Variants in PRMT8 observed in about 807,000 individuals in gnomAD.
PRMT8 encodes the protein protein arginine methyltransferase 8, also known as protein arginine N-methyltransferase 8.
PRMT8 carries 7 observed loss-of-function variants against 47.1 expected under a neutral mutation model. The ratio of observed to expected loss-of-function variants is 0.15; its 90% CI spans 0.08 to 0.28. The LOEUF (loss-of-function observed/expected upper bound fraction) is 0.28. Ranked by LOEUF, PRMT8 falls within the 10% of genes least tolerant of loss-of-function variation. The probability of loss-of-function intolerance (pLI) is 1.00; values close to 1 mark genes in which losing one functional copy is unlikely to be tolerated. For missense variants in PRMT8, 237 were observed against 505.4 expected, an observed-to-expected ratio of 0.47 and a Z score of 5.09; for synonymous variants, 188 against 186.5, an observed-to-expected ratio of 1.01 and a Z score of -0.07.
intron 1 of PRMT8, among the ~76,000 whole-genome samples, chr12:3,507,195 T>G (rs1005852326): frequency 6.6e-6 from 1 of 150,688 alleles, no homozygotes; most frequent in Non-Finnish European, 1.5e-5. Flanking sequence ...CATCTCAGCT[T>G]ACTGCAAGCT....
intron 4 of PRMT8, among the ~76,000 whole-genome samples, chr12:3,560,944 A>AG (rs1242622660): frequency 6.6e-6 from 1 of 152,200 alleles, no homozygotes; most frequent in Non-Finnish European, 1.5e-5. Flanking sequence ...CACATACAGT[A>AG]GGTGCTCAAA....
intron 1 of PRMT8, among the ~76,000 whole-genome samples, chr12:3,403,734 C>T (rs1271392187): frequency 6.6e-6 from 1 of 151,574 alleles, no homozygotes; most frequent in African/African-American, 2.4e-5. Context: ...CAAAAATTAG[C>T]CAGGCGTAGT....
intron 1 of PRMT8, among the ~76,000 whole-genome samples, chr12:3,429,586 G>C (rs886143604): frequency 2.0e-5 from 3 of 152,284 alleles, no homozygotes; most frequent in Admixed American, 2.0e-4. Flanking sequence ...CAAAACCAAA[G>C]TATCAAGCAA....
rs2137110065 is a variant in PRMT8, at chr12:3,491,293, A to G, written c.-333A>G. On this transcript the variant is annotated 5_prime_UTR_variant, in exon 1 of 10. Transcript: ENST00000382622. ...GCGAGCAGCCTGGAGAGGATCCGCG[A>G]CCGCCGCCGCCGCCGCCGCGGAGGC... is the stretch of plus-strand genomic sequence containing the variant. 3 of 1,126,048 alleles carry G rather than the reference A, an allele frequency of 2.7e-6. No homozygotes were observed. Among genetic ancestry groups the G allele is most frequent in the Non-Finnish European group, 3.3e-6 (3 of 918,376 alleles). The allele number at this position is 1,126,048 out of a possible 1,614,324, so 69.8% of individuals were successfully genotyped here.
chr12:3,463,275 C>T (rs763323351), intron 1 of PRMT8: 2 of 152,154 alleles, frequency 1.3e-5, no homozygotes, highest in African/African-American at 2.4e-5. Context: ...CTTTCTAATT[C>T]CTGGCTTCAG....
At chr12:3,422,264 T>C (rs1014247740) in intron 1 of PRMT8, among the ~76,000 whole-genome samples, 5 of 152,226 alleles carry the variant, frequency 3.3e-5, no homozygotes. Context: ...CGTGGTTACC[T>C]GGACAGAACT....
intron 8 of PRMT8, among the ~76,000 whole-genome samples, chr12:3,585,642 A>G (rs1243587350): frequency 2.0e-5 from 3 of 151,110 alleles, no homozygotes; most frequent in Non-Finnish European, 4.4e-5. Flanking sequence ...TTATCTCTTC[A>G]TAGAAAGGCT....
intron 2 of PRMT8, among the ~76,000 whole-genome samples, chr12:3,544,441 T>C (rs948132290): frequency 9.9e-5 from 15 of 152,148 alleles, no homozygotes; most frequent in African/African-American, 3.4e-4. Flanking sequence ...ACATACTCTC[T>C]GTTAGGTTTT....
chr12:3,486,590 G>T (rs752188794), upstream of PRMT8, among the ~76,000 whole-genome samples: 28 of 152,182 alleles, frequency 1.8e-4, no homozygotes, highest in Non-Finnish European at 3.4e-4. Flanking sequence ...GAGCCTTAAT[G>T]AAAGATTTAA....
intron 1 of PRMT8, among the ~76,000 whole-genome samples, chr12:3,438,726 A>T (rs1864770279): frequency 6.6e-6 from 1 of 152,204 alleles, no homozygotes; most frequent in Non-Finnish European, 1.5e-5. Context: ...TCGAATAGTG[A>T]CCCAGACTGA....
chr12:3,550,831 G>T lies in PRMT8; in HGVS notation c.417+740G>T, dbSNP rs939362077. The T allele has an allele frequency of 6.6e-6, 1 of 152,244 alleles. No individual in the cohort carries two copies. The highest frequency in any genetic ancestry group is 1.5e-5 in the Non-Finnish European group (1 of 68,058). The allele number at this position is 152,244 out of a possible 1,614,324, so 9.4% of individuals were successfully genotyped here. A position where few individuals can be genotyped will look rare whatever the true frequency, so the allele number is the denominator to read the frequency against. On this transcript the variant is annotated intron_variant, in intron 3 of 9. Transcript: ENST00000382622. This position sits in a 1 kb window ranked among gnomAD's most constrained non-coding sequence, Gnocchi z 5.1. ...AGCCTGATGACAGAGGGCCTGGGAA[G>T]GTCCAGAGCTGGAAAGAAACTAAAA... is the stretch of plus-strand genomic sequence containing the variant.
chr12:3,436,399 C>T lies in PRMT8; in HGVS notation c.48+54957C>T, dbSNP rs989158790. On this transcript the variant is annotated intron_variant, in intron 1 of 9. Coordinates refer to the PRMT8 transcript ENST00000452611. This position sits in a 1 kb window ranked among gnomAD's most constrained non-coding sequence, Gnocchi z 4.2. ...CTCCTCATCTTTTCAGCACCAGCAG[C>T]CCCAGGTAAGCCAGGGGCTGAGCTA... Among the ~76,000 whole-genome samples, 6 of 152,322 alleles carry T rather than the reference C, an allele frequency of 3.9e-5. No homozygotes were observed. Among genetic ancestry groups the T allele is most frequent in the African/African-American group, 1.4e-4 (6 of 41,574 alleles).
chr12:3,524,795 A>T (rs1049287688), intron 1 of PRMT8, among the ~76,000 whole-genome samples: 1 of 152,164 alleles, frequency 6.6e-6, no homozygotes, highest in African/African-American at 2.4e-5. Flanking sequence ...ACTGTGCTGG[A>T]TGTGCTTGCC....
chr12:3,567,052 C>T (rs913496131), intron 4 of PRMT8, among the ~76,000 whole-genome samples: 3 of 152,212 alleles, frequency 2.0e-5, no homozygotes, highest in Non-Finnish European at 4.4e-5. Flanking sequence ...AACTGAAGTT[C>T]TTGAAGGTGA....
At chr12:3,527,474 C>T (rs541974184) in intron 1 of PRMT8, among the ~76,000 whole-genome samples, 13 of 152,106 alleles carry the variant, frequency 8.5e-5, no homozygotes, top group South Asian at 4.2e-4. Context: ...TGCCTACTTC[C>T]GGAATTTTCC....
chr12:3,548,784 AGTTGAACAT>A (rs1866369233), intron 2 of PRMT8, among the ~76,000 whole-genome samples: 1 of 152,206 alleles, frequency 6.6e-6, no homozygotes, highest in South Asian at 2.1e-4. Flanking sequence ...TTTCTTATGA[AGTTGAACAT>A]GTACCTACCC....
chr12:3,407,006 G>C (rs1864378840), intron 1 of PRMT8, among the ~76,000 whole-genome samples: 1 of 152,146 alleles, frequency 6.6e-6, no homozygotes, highest in Admixed American at 6.6e-5. Context: ...AATTTATAAA[G>C]GAAAGAGGTT....
rs118117907 is a variant in PRMT8, at chr12:3,391,778, T to C, written c.48+10336T>C. Among the ~76,000 whole-genome samples the C allele has an allele frequency of 4.4e-3, 671 of 152,260 alleles. 4 individuals are homozygous for C. Among genetic ancestry groups the C allele is most frequent in the Non-Finnish European group, 6.8e-3 (463 of 68,018 alleles). On this transcript the variant is annotated intron_variant, in intron 1 of 9. Coordinates refer to the PRMT8 transcript ENST00000452611. ...ACACAGTGATGGTACACGATAGATG[T>C]TTCAATACATGGCCATCAAATGAAT...
chr12:3,435,585 A>G (rs754006309), intron 1 of PRMT8, among the ~76,000 whole-genome samples: 1 of 144,364 alleles, frequency 6.9e-6, no homozygotes, highest in Non-Finnish European at 1.5e-5. Context: ...GCAGTGGCGC[A>G]GTGTTGGCTC....
Sources: gnomAD v4.1 joint callset for allele counts (sites outside exome capture counted in the v4.1 genomes callset) on GRCh38, gnomAD v4.1.1 for gene constraint, Gnocchi (gnomAD v3.1) non-coding constraint, MANE v1.5 for transcripts, NCBI Gene and HGNC (gene_info 2026-07-23, HGNC 2026-07-21) for gene names.